The following ASB3 variants were observed in gnomAD, a reference collection of about 807,000 sequenced individuals.
The protein encoded by ASB3 is ankyrin repeat and SOCS box protein 3.
ASB3 carries 41 observed loss-of-function variants against 54.5 expected under a neutral mutation model. The observed-to-expected ratio is 0.75, with a 90% CI of 0.59 to 0.98. ASB3 has a LOEUF of 0.98. Ranked by LOEUF, ASB3 falls within the 50% of genes least tolerant of loss-of-function variation. The pLI is 0.00. For missense variants in ASB3, 733 were observed against 620.0 expected (o/e 1.18, Z -1.94); for synonymous variants, 266 against 221.2 (o/e 1.20, Z -1.80).
At chr2:53,692,616 T>A (rs571212951) in intron 9 of ASB3, among the ~76,000 whole-genome samples, 41 of 152,276 alleles carry the variant, frequency 2.7e-4, no homozygotes, top group African/African-American at 8.7e-4. Flanking sequence ...AATTTTTACC[T>A]TCATCTGGAC....
intron 2 of ASB3, among the ~76,000 whole-genome samples, chr2:53,764,910 G>C (rs965704180): frequency 1.3e-5 from 2 of 152,130 alleles, no homozygotes; most frequent in African/African-American, 4.8e-5. Flanking sequence ...CCTCTGACAA[G>C]AAAAAGCATC....
intron 3 of ASB3, among the ~76,000 whole-genome samples, chr2:53,746,708 G>C (rs946923064): frequency 6.6e-6 from 1 of 151,992 alleles, no homozygotes; most frequent in Non-Finnish European, 1.5e-5. Flanking sequence ...TCGAACCCCT[G>C]ACCTCAGGTG....
intron 9 of ASB3, 136 bp downstream of exon 9, chr2:53,693,748 T>A: frequency 7.9e-7 from 1 of 1,260,190 alleles, no homozygotes; most frequent in Non-Finnish European, 1.1e-6. Context: ...AACCCCATCT[T>A]TTCCTCACAT....
intron 5 of ASB3, among the ~76,000 whole-genome samples, chr2:53,721,286 G>T (rs1373278308): frequency 6.6e-6 from 1 of 151,370 alleles, no homozygotes; most frequent in African/African-American, 2.4e-5. Context: ...TGGGCACAGT[G>T]GTTCACGCCT....
At chr2:53,686,691 G>A (rs1668649541) in intron 9 of ASB3, among the ~76,000 whole-genome samples, 1 of 151,920 alleles carries the variant, frequency 6.6e-6, no homozygotes, top group African/African-American at 2.4e-5. Context: ...TTACTCTAAG[G>A]CCATAATTTC....
At chr2:53,759,037 T>A (rs1430122754) in intron 2 of ASB3, among the ~76,000 whole-genome samples, 2 of 152,214 alleles carry the variant, frequency 1.3e-5, no homozygotes, top group African/African-American at 4.8e-5. Context: ...ATGTTGCTGC[T>A]AGATCAGACG....
At chr2:53,677,640 T>C (rs778102904) in intron 9 of ASB3, among the ~76,000 whole-genome samples, 1 of 152,228 alleles carries the variant, frequency 6.6e-6, no homozygotes, top group Non-Finnish European at 1.5e-5. Context: ...TCCCCAATGG[T>C]CTGTGACTTT....
intron 1 of ASB3, among the ~76,000 whole-genome samples, chr2:53,777,509 A>C (rs1343324769): frequency 6.6e-6 from 1 of 152,204 alleles, no homozygotes; most frequent in Non-Finnish European, 1.5e-5. Flanking sequence ...GATAGCTTCC[A>C]ATCTCCAGCC....
intron 3 of ASB3, chr2:53,748,393 T>C (rs1260435601): frequency 2.6e-5 from 4 of 152,144 alleles, no homozygotes; most frequent in African/African-American, 9.7e-5. Context: ...ATATCCAAAG[T>C]AGGTTAAATG....
intron 1 of ASB3, among the ~76,000 whole-genome samples, chr2:53,777,116 A>G (rs1674384341): frequency 6.6e-6 from 1 of 152,188 alleles, no homozygotes; most frequent in East Asian, 1.9e-4. Flanking sequence ...GTTCGCCCAC[A>G]CATGTACACA....
chr2:53,767,986 C>G (rs1388889651), intron 1 of ASB3: 1 of 1,611,500 alleles, frequency 6.2e-7, no homozygotes, highest in African/African-American at 1.3e-5. Context: ...GCGCTTCTGG[C>G]AGGGCAGCAC....
intron 9 of ASB3, among the ~76,000 whole-genome samples, chr2:53,672,437 C>G (rs1235895108): frequency 6.6e-6 from 1 of 152,132 alleles, no homozygotes; most frequent in Non-Finnish European, 1.5e-5. Context: ...GAGGAAGTTG[C>G]AGGAATACAT....
intron 1 of ASB3, chr2:53,767,329 G>T (rs763696557): frequency 1.1e-4 from 17 of 152,216 alleles, no homozygotes; most frequent in Non-Finnish European, 2.1e-4. Flanking sequence ...AAAGGCAAAA[G>T]ACTTTTTTTT....
intron 3 of ASB3, among the ~76,000 whole-genome samples, chr2:53,734,443 A>T (rs948183955): frequency 6.6e-6 from 1 of 152,198 alleles, no homozygotes; most frequent in African/African-American, 2.4e-5. Flanking sequence ...TTGAGTCTAC[A>T]TTCAGTGATC....
chr2:53,781,513 G>A (rs374807340), intron 1 of ASB3, among the ~76,000 whole-genome samples: 1 of 148,702 alleles, frequency 6.7e-6, no homozygotes, highest in Non-Finnish European at 1.5e-5. Context: ...TTTTTCTTTT[G>A]AGACAGAGTT....
intron 3 of ASB3, among the ~76,000 whole-genome samples, chr2:53,733,713 T>G (rs761347556): frequency 6.6e-6 from 1 of 152,048 alleles, no homozygotes; most frequent in Non-Finnish European, 1.5e-5. Flanking sequence ...CCTCCTCCAA[T>G]GCCGAGACCA....
intron 8 of ASB3, among the ~76,000 whole-genome samples, chr2:53,694,872 T>C (rs1669102940): frequency 6.6e-6 from 1 of 152,186 alleles, no homozygotes; most frequent in African/African-American, 2.4e-5. Context: ...TTTAAAACTA[T>C]AAAGTATTAT....
intron 9 of ASB3, among the ~76,000 whole-genome samples, chr2:53,685,440 A>T (rs1242201813): frequency 1.3e-5 from 2 of 152,180 alleles, no homozygotes; most frequent in Non-Finnish European, 2.9e-5. Flanking sequence ...AAACTAAGGA[A>T]CTACTTGTCC....
chr2:53,707,911 G>A (rs1244379062), intron 7 of ASB3, among the ~76,000 whole-genome samples: 1 of 148,306 alleles, frequency 6.7e-6, no homozygotes, highest in Non-Finnish European at 1.5e-5. Flanking sequence ...GCAGTGAGCC[G>A]AGATGGTGTC....
Sources: gnomAD v4.1 joint callset for allele counts (sites outside exome capture counted in the v4.1 genomes callset) on GRCh38, gnomAD v4.1.1 for gene constraint, MANE v1.5 for transcripts, NCBI Gene and HGNC (gene_info 2026-07-23, HGNC 2026-07-21) for gene names.